Variants in GRM7 observed in about 807,000 individuals in gnomAD.
The protein encoded by GRM7 is metabotropic glutamate receptor 7.
In GRM7, 35 loss-of-function variants were observed where a neutral mutation model predicts 84.5. The ratio of observed to expected loss-of-function variants is 0.41; its 90% CI spans 0.32 to 0.55. The LOEUF (loss-of-function observed/expected upper bound fraction) is 0.55, where lower values mean the gene tolerates loss of function less well. Among genes scored for constraint, GRM7 ranks in the 20% least tolerant of loss-of-function variants. The probability of loss-of-function intolerance (pLI) is 0.19; values close to 1 mark genes in which losing one functional copy is unlikely to be tolerated. For missense variants in GRM7, 1,003 were observed against 1,194.6 expected, an observed-to-expected ratio of 0.84 and a Z score of 2.36; for synonymous variants, 487 against 455.1, an observed-to-expected ratio of 1.07 and a Z score of -0.89.
At chr3:7,132,202 A>G (rs1231396636) in intron 1 of GRM7, among the ~76,000 whole-genome samples, 1 of 152,208 alleles carries the variant, frequency 6.6e-6, no homozygotes, top group African/African-American at 2.4e-5. Context: ...GTTACTGAGA[A>G]ACAATAACCA....
intron 1 of GRM7, among the ~76,000 whole-genome samples, chr3:6,898,107 G>T (rs761972942): frequency 6.6e-6 from 1 of 152,170 alleles, no homozygotes. Context: ...TAGGCCATGC[G>T]AGACATCCAG....
intron 1 of GRM7, among the ~76,000 whole-genome samples, chr3:6,970,872 C>T (rs1693725772): frequency 6.6e-6 from 1 of 152,084 alleles, no homozygotes; most frequent in Non-Finnish European, 1.5e-5. Flanking sequence ...GTCCCAGCTA[C>T]TCGGGAGGCT....
intron 1 of GRM7, among the ~76,000 whole-genome samples, chr3:7,137,122 A>G (rs905389030): frequency 4.6e-5 from 7 of 152,096 alleles, no homozygotes; most frequent in Non-Finnish European, 8.8e-5. Flanking sequence ...AATACATTTT[A>G]TTGATGAGAT....
At chr3:6,915,081 C>G (rs1696897283) in intron 1 of GRM7, among the ~76,000 whole-genome samples, 1 of 152,154 alleles carries the variant, frequency 6.6e-6, no homozygotes. Context: ...CTTACTGCTC[C>G]AGGTCCTTAT....
intron 1 of GRM7, among the ~76,000 whole-genome samples, chr3:6,971,951 A>G (rs1354464564): frequency 6.6e-6 from 1 of 152,214 alleles, no homozygotes; most frequent in Non-Finnish European, 1.5e-5. Context: ...GAAATGATTA[A>G]TAATAGCATT....
At chr3:7,544,740 T>G (rs530583596) in intron 7 of GRM7, among the ~76,000 whole-genome samples, 6 of 152,302 alleles carry the variant, frequency 3.9e-5, no homozygotes, top group Admixed American at 2.0e-4. Context: ...TTTCTTTACT[T>G]TTTTTCAATA....
intron 2 of GRM7, among the ~76,000 whole-genome samples, chr3:7,172,981 A>G (rs1695034565): frequency 6.6e-6 from 1 of 152,122 alleles, no homozygotes; most frequent in Admixed American, 6.6e-5. Context: ...ATGTGTATAT[A>G]TAGATATACA....
At chr3:7,232,607 G>A (rs1402890744) in intron 2 of GRM7, among the ~76,000 whole-genome samples, 1 of 152,214 alleles carries the variant, frequency 6.6e-6, no homozygotes, top group Non-Finnish European at 1.5e-5. Flanking sequence ...AGAGACAGAA[G>A]AGGACTCTTG....
rs187949154 is a variant in GRM7 at position 7,320,415 on chromosome 3, G to A, written c.1033+13763G>A. On this transcript the variant is annotated intron_variant, in intron 4 of 9. Coordinates refer to ENST00000357716, the MANE Select transcript of GRM7 (RefSeq NM_000844.4). ...GTGGAGAAGTATGATTGGACAAAGG[G>A]GGTATGATCTAATGGTAATAAACTG... Among the ~76,000 whole-genome samples the A allele has an allele frequency of 7.2e-5, 11 of 152,052 alleles. No homozygotes were observed. The East Asian group carries it at 2.1e-3, about 29-fold the overall frequency.
chr3:7,342,692 G>A (rs1692697184), intron 4 of GRM7, among the ~76,000 whole-genome samples: 1 of 152,108 alleles, frequency 6.6e-6, no homozygotes, highest in Non-Finnish European at 1.5e-5. Context: ...CTGGTCTGGG[G>A]TCATGGAATT....
Position 7,093,707 on chromosome 3 carries a change from AAAAAAAAG to A in GRM7, c.520-52744_520-52737del, listed in dbSNP as rs1345874933. On this transcript the variant is annotated intron_variant, in intron 1 of 9. Transcript: ENST00000357716. The stretch of plus-strand genomic sequence containing the variant: ...AAAAAAAAAAAAAAAAAAAAAAAAA[AAAAAAAAG>A]GTAGTTAGTGGCCTTTGCTCTTTTA... Among the ~76,000 whole-genome samples the A allele has an allele frequency of 7.1e-3, 581 of 81,630 alleles. 77 individuals carry two copies. Among genetic ancestry groups the A allele is most frequent in the African/African-American group, 0.03 (541 of 17,954 alleles). 53.6% of individuals were successfully genotyped at this position (81,630 alleles called of 152,430 possible).
chr3:6,880,525 C>T (rs1373475731), intron 1 of GRM7, among the ~76,000 whole-genome samples: 1 of 152,100 alleles, frequency 6.6e-6, no homozygotes, highest in African/African-American at 2.4e-5. Flanking sequence ...CAATATGAAT[C>T]TTTTGGAAGA....
chr3:7,555,328 C>T (rs1376003709), intron 7 of GRM7, among the ~76,000 whole-genome samples: 1 of 152,098 alleles, frequency 6.6e-6, no homozygotes, highest in Non-Finnish European at 1.5e-5. Flanking sequence ...TGTTACTATT[C>T]CCCACAAGCC....
intron 7 of GRM7, among the ~76,000 whole-genome samples, chr3:7,556,211 A>C (rs1693749500): frequency 6.6e-6 from 1 of 152,150 alleles, no homozygotes; most frequent in Admixed American, 6.5e-5. Context: ...TTTTGTAATA[A>C]GGGCAGTAAT....
At chr3:7,734,529 T>A (rs1461478837) in intron 9 of GRM7, among the ~76,000 whole-genome samples, 1 of 152,202 alleles carries the variant, frequency 6.6e-6, no homozygotes, top group Non-Finnish European at 1.5e-5. Context: ...GGCTGAGTAG[T>A]CAACAGAAAT....
chr3:7,346,326 G>A (rs548788795), intron 4 of GRM7, among the ~76,000 whole-genome samples: 19 of 152,066 alleles, frequency 1.2e-4, no homozygotes, highest in Non-Finnish European at 2.2e-4. Flanking sequence ...TCAGTTTTCC[G>A]AATGCTGGAA....
chr3:7,094,251 A>G (rs1030640107), intron 1 of GRM7, among the ~76,000 whole-genome samples: 2 of 152,240 alleles, frequency 1.3e-5, no homozygotes, highest in Non-Finnish European at 2.9e-5. Context: ...TTATAAAAAT[A>G]AAGAATGAGT....
chr3:7,469,946 T>A (rs1387723782), intron 7 of GRM7, among the ~76,000 whole-genome samples: 2 of 152,188 alleles, frequency 1.3e-5, no homozygotes, highest in Non-Finnish European at 2.9e-5. Flanking sequence ...ATTTTAAATG[T>A]CAGGAAATGA....
chr3:7,179,245 A>C (rs1044498294), intron 2 of GRM7, among the ~76,000 whole-genome samples: 2 of 152,210 alleles, frequency 1.3e-5, no homozygotes, highest in African/African-American at 4.8e-5. Flanking sequence ...CTAACTCCCA[A>C]CTGCACCGAC....
Sources: gnomAD v4.1 joint callset for allele counts (sites outside exome capture counted in the v4.1 genomes callset) on GRCh38, gnomAD v4.1.1 for gene constraint, MANE v1.5 for transcripts, NCBI Gene and HGNC (gene_info 2026-07-23, HGNC 2026-07-21) for gene names.